NLRP4: variants seen among roughly 807,000 people sequenced by gnomAD.
The protein encoded by NLRP4 is NACHT, LRR and PYD domains-containing protein 4.
Under a neutral mutation model 84.7 loss-of-function variants are expected in NLRP4, and 44 were observed. That is an observed-to-expected ratio of 0.52 (90% CI 0.41 to 0.67). The LOEUF (loss-of-function observed/expected upper bound fraction) is 0.67. Ranked by LOEUF, NLRP4 falls within the 30% of genes least tolerant of loss-of-function variation. The pLI is 0.00. For synonymous variants in NLRP4, 544 were observed against 476.4 expected (o/e 1.14, Z -1.85); for missense variants, 1,260 against 1,219.4 (o/e 1.03, Z -0.50).
intron 6 of NLRP4, among the ~76,000 whole-genome samples, chr19:55,868,159 T>C (rs1249631316): frequency 6.6e-6 from 1 of 152,210 alleles, no homozygotes; most frequent in African/African-American, 2.4e-5. Context: ...GTTTCAAAGC[T>C]GTTAGGTTGG....
chr19:55,842,468 T>C (rs1464147950), intron 1 of NLRP4, among the ~76,000 whole-genome samples: 3 of 152,152 alleles, frequency 2.0e-5, no homozygotes, highest in African/African-American at 7.2e-5. Context: ...GAATTTCTTA[T>C]CAAATTTTTA....
chr19:55,854,308 G>A (rs1984325347), intron 2 of NLRP4, among the ~76,000 whole-genome samples: 1 of 152,032 alleles, frequency 6.6e-6, no homozygotes, highest in Non-Finnish European at 1.5e-5. Context: ...TTTTATTTAT[G>A]CAGTTTGCCT....
At chr19:55,854,387 T>G (rs985395320) in intron 2 of NLRP4, among the ~76,000 whole-genome samples, 1 of 152,224 alleles carries the variant, frequency 6.6e-6, no homozygotes, top group Non-Finnish European at 1.5e-5. Context: ...TTTAAATTAT[T>G]TTAAAATTTG....
chr19:55,839,593 G>C (rs547090508), intron 1 of NLRP4, among the ~76,000 whole-genome samples: 1 of 151,954 alleles, frequency 6.6e-6, no homozygotes, highest in South Asian at 2.1e-4. Flanking sequence ...GCATAAAAAT[G>C]GTAATAGTCT....
At chr19:55,863,661 C>CAT (rs2123044552) in intron 5 of NLRP4, among the ~76,000 whole-genome samples, 1 of 152,164 alleles carries the variant, frequency 6.6e-6, no homozygotes, top group East Asian at 1.9e-4. Flanking sequence ...ACAGCCGAAC[C>CAT]ATATCAGACA....
In NLRP4 at chr19:55,858,117, G is replaced by A. The variant is rs373819293; in HGVS notation, c.724G>A (p.Glu242Lys). 25 of 1,614,032 alleles carry A rather than the reference G, an allele frequency of 1.5e-5. No homozygotes were observed. The highest frequency in any genetic ancestry group is 2.7e-5 in the African/African-American group (2 of 74,916). The change falls in exon 3 of 10, where the codon GAA (glutamate) becomes AAA (lysine). Residue 242 changes from glutamate (E) to lysine (K), a missense_variant. By Grantham distance (56) the Glu-to-Lys change is moderately conservative. Around this residue, in one of 3 missense-constraint regions of NLRP4, gnomAD observed 712 missense variants for 669.2 expected, o/e 1.06. Coordinates refer to ENST00000301295, the MANE Select transcript of NLRP4 (RefSeq NM_134444.5). The surrounding 1 kb of genome is among the most constrained non-coding windows in gnomAD (Gnocchi z 4.2). ...SFEELQGGLN[E>K]PDSDLCGDLM... ...CGAAGAGCTGCAGGGCGGCTTGAAC[G>A]AACCCGATTCGGATCTGTGTGGTGA...
At chr19:55,872,050 G>T (rs937389360) in intron 7 of NLRP4, among the ~76,000 whole-genome samples, 4 of 151,876 alleles carry the variant, frequency 2.6e-5, no homozygotes, top group Non-Finnish European at 5.9e-5. Context: ...GGGTTTCACT[G>T]TGCTAGCCAG....
chr19:55,861,714 G>A (rs1014660710), intron 4 of NLRP4, among the ~76,000 whole-genome samples, 167 bp downstream of exon 4: 2 of 152,052 alleles, frequency 1.3e-5, no homozygotes, highest in Admixed American at 1.3e-4. Context: ...TTCATCATAG[G>A]GGTTGTTCTG....
Position 55,859,926 on chromosome 19 carries a change from C to CAAA in NLRP4, c.1856+701_1856+703dup, listed in dbSNP as rs1166037425. On this transcript the variant is annotated intron_variant, in intron 3 of 9. Transcript: ENST00000301295. The stretch of plus-strand genomic sequence containing the variant: ...TGGGTGACAGTGAGACTCTCATCTC[C>CAAA]AAAAAAAAAAAAAAAAAAAAAAAAA... Among the ~76,000 whole-genome samples, 40 of 17,484 alleles carry CAAA rather than the reference C, an allele frequency of 2.3e-3. 1 individual carries two copies. Among genetic ancestry groups the CAAA allele is most frequent in the Admixed American group, 3.5e-3 (4 of 1,144 alleles). The allele number at this position is 17,484 out of a possible 152,430, so 11.5% of individuals were successfully genotyped here. A position where few individuals can be genotyped will look rare whatever the true frequency, so the allele number is the denominator to read the frequency against.
rs774653657 is a variant in NLRP4, at chr19:55,859,107, C to G, written c.1714C>G (p.Leu572Val). 4.3e-6 allele frequency: 7 copies of G among 1,614,032 alleles called. No individual in the cohort carries two copies. In the South Asian group the frequency reaches 7.7e-5, roughly 18 times the overall value. ...TGCCTTTGTGAAGCAGGCAGTGAAC[C>G]TCCTCCAAGAAGCTAACTTTCATAT... Reference protein sequence around the residue: ...DPAFVKQAVNLLQEANFHIID... With the variant: ...DPAFVKQAVNVLQEANFHIID... Residue 572 changes from leucine to valine, a missense_variant, in exon 3 of 10, where the codon CTC becomes GTC. This residue lies in a region of NLRP4 where 544 missense variants were observed against 531.7 expected (regional missense o/e 1.02). Coordinates refer to ENST00000301295, the MANE Select transcript of NLRP4 (RefSeq NM_134444.5).
At chr19:55,838,293 A>T (rs364696) in intron 1 of NLRP4, among the ~76,000 whole-genome samples, 24,602 of 150,908 alleles carry the variant, frequency 0.16, 2,263 homozygotes, top group African/African-American at 0.24. Context: ...CAAGAGTGAA[A>T]CTCCATCTTA....
intron 1 of NLRP4, among the ~76,000 whole-genome samples, chr19:55,850,588 T>C (rs1274320086): frequency 5.6e-5 from 5 of 89,400 alleles, no homozygotes; most frequent in African/African-American, 2.8e-4. Context: ...CGGTGTAATT[T>C]CCGTGGCTGC....
chr19:55,847,139 T>C (rs553233883), intron 1 of NLRP4, among the ~76,000 whole-genome samples: 1 of 149,094 alleles, frequency 6.7e-6, no homozygotes, highest in Non-Finnish European at 1.5e-5. Context: ...TTCTCCAAAT[T>C]ACCTATTTTA....
At chr19:55,878,736 C>T in intron 8 of NLRP4, 58 bp from the exon 9 acceptor site, 9 of 1,493,262 alleles carry the variant, frequency 6.0e-6, no homozygotes, top group South Asian at 1.3e-5. Flanking sequence ...GCTCACATCC[C>T]ATCCTACCTC....
chr19:55,867,642 G>A (rs1985012108), intron 5 of NLRP4, 67 bp from the exon 6 acceptor site: 1 of 1,440,258 alleles, frequency 6.9e-7, no homozygotes, highest in Non-Finnish European at 9.6e-7. Flanking sequence ...ACTCTGACAG[G>A]ATTGGCAAGA....
At chr19:55,872,966 G>GT (rs1202789035) in intron 7 of NLRP4, among the ~76,000 whole-genome samples, 1 of 152,186 alleles carries the variant, frequency 6.6e-6, no homozygotes, top group East Asian at 1.9e-4. Flanking sequence ...TGGGTGAAGA[G>GT]TAATAGTGGA....
Position 55,858,687 on chromosome 19 carries a change from C to T in NLRP4, c.1294C>T (p.Leu432=). The T allele has an allele frequency of 2.5e-6, 4 of 1,614,064 alleles. No homozygotes were observed. The highest frequency in any genetic ancestry group is 2.5e-6 in the Non-Finnish European group (3 of 1,179,918). Residue 432 remains leucine (L), a synonymous_variant, in exon 3 of 10, where the codon CTG becomes TTG. Transcript: ENST00000301295. The surrounding 1 kb of genome is among the most constrained non-coding windows in gnomAD (Gnocchi z 4.2). ...GGTTGTTGACGCTGACATCCCTGCG[C>T]TGCTGGGCACCAAGATACTTCTGAA... is the stretch of plus-strand genomic sequence containing the variant. The part of the protein sequence containing the change: ...NGVVDADIPA[L]LGTKILLKYG...
chr19:55,874,881 C>T (rs139349175), intron 7 of NLRP4, among the ~76,000 whole-genome samples: 1,536 of 152,102 alleles, frequency 0.01, 10 homozygotes, highest in Non-Finnish European at 0.018. Flanking sequence ...AGAATATTAG[C>T]AAGCAGAATC....
chr19:55,861,588 A>G (rs1984758024), intron 4 of NLRP4, 41 bp downstream of exon 4: 1 of 1,587,772 alleles, frequency 6.3e-7, no homozygotes, highest in African/African-American at 1.3e-5. Flanking sequence ...TGTCACGGAG[A>G]TGACCTATTC....
Sources: gnomAD v4.1 joint callset for allele counts (sites outside exome capture counted in the v4.1 genomes callset) on GRCh38, gnomAD v4.1.1 for gene constraint, gnomAD v4.1.1 regional missense constraint, Gnocchi (gnomAD v3.1) non-coding constraint, MANE v1.5 for transcripts, NCBI Gene and HGNC (gene_info 2026-07-23, HGNC 2026-07-21) for gene names.